Variants in XYLT1 observed in about 807,000 individuals in gnomAD.
XYLT1 encodes xylosyltransferase 1.
In XYLT1, 36 loss-of-function variants were observed where a neutral mutation model predicts 91.3. The ratio of observed to expected loss-of-function variants is 0.39; its 90% CI spans 0.30 to 0.52. The LOEUF (loss-of-function observed/expected upper bound fraction) is 0.52, where lower values mean the gene tolerates loss of function less well. XYLT1 is among the 20% of genes least tolerant of loss of function. The pLI is 0.68. For synonymous variants in XYLT1, 588 were observed against 532.0 expected, an observed-to-expected ratio of 1.11 and a Z score of -1.45; for missense variants, 1,242 against 1,284.5, an observed-to-expected ratio of 0.97 and a Z score of 0.51.
chr16:17,403,096 G>C (rs1326079525), intron 1 of XYLT1, among the ~76,000 whole-genome samples: 1 of 152,168 alleles, frequency 6.6e-6, no homozygotes, highest in African/African-American at 2.4e-5. Context: ...ACGATACACA[G>C]AGACAAACAA....
intron 11 of XYLT1, among the ~76,000 whole-genome samples, chr16:17,115,003 C>A (rs1273198087): frequency 2.0e-5 from 3 of 152,060 alleles, no homozygotes; most frequent in Non-Finnish European, 4.4e-5. Context: ...CACCACCATG[C>A]CCAGCTAATT....
intron 1 of XYLT1, among the ~76,000 whole-genome samples, chr16:17,370,649 C>G (rs1437602752): frequency 2.0e-5 from 3 of 152,168 alleles, no homozygotes; most frequent in Admixed American, 2.0e-4. Context: ...AGGTGGCCAA[C>G]AGAAACTGGA....
rs997047012 is a variant in XYLT1 at position 17,105,855 on chromosome 16, T to C, written c.*2840A>G. 8 of 152,108 alleles carry C rather than the reference T, an allele frequency of 5.3e-5. No homozygotes were observed. The highest frequency in any genetic ancestry group is 1.9e-4 in the African/African-American group (8 of 41,424). 9.4% of individuals were successfully genotyped at this position (152,108 alleles called of 1,614,324 possible). ...TCATTCTCAGGCAGGTTAAAAAAAT[T>C]ATTTTCCCTGGGAAAACATCCTCTT... On this transcript the variant is annotated 3_prime_UTR_variant, in exon 12 of 12. Transcript: ENST00000261381.
Position 17,108,535 on chromosome 16 carries a change from G to A in XYLT1, c.*160C>T. The A allele has an allele frequency of 2.7e-6, 2 of 731,956 alleles. No individual in the cohort carries two copies. 45.3% of individuals were successfully genotyped at this position (731,956 alleles called of 1,614,324 possible). On this transcript the variant is annotated 3_prime_UTR_variant, in exon 12 of 12. Transcript: ENST00000261381. ...CAAAGGCAGGTTGTTGGCTGATCCT[G>A]CTTTGACCTGCTGACCTTCCCTTTC...
chr16:17,167,536 G>A (rs1433159701), intron 5 of XYLT1, among the ~76,000 whole-genome samples: 9 of 147,114 alleles, frequency 6.1e-5, no homozygotes, highest in African/African-American at 2.3e-4. Context: ...CTTCCATCTC[G>A]TGAACGGATT....
At chr16:17,452,310 T>TC (rs2036676762) in intron 1 of XYLT1, among the ~76,000 whole-genome samples, 1 of 145,544 alleles carries the variant, frequency 6.9e-6, no homozygotes, top group Admixed American at 6.7e-5. Context: ...TTTTTCTTTT[T>TC]TTTTTTTTTT....
chr16:17,459,070 C>T (rs2036781556), intron 1 of XYLT1, among the ~76,000 whole-genome samples: 6 of 152,038 alleles, frequency 3.9e-5, no homozygotes, highest in Admixed American at 3.9e-4. Flanking sequence ...TAAAAGAACG[C>T]AGGCAATATT....
At chr16:17,438,404 G>A (rs937921092) in intron 1 of XYLT1, among the ~76,000 whole-genome samples, 2 of 152,106 alleles carry the variant, frequency 1.3e-5, no homozygotes, top group Non-Finnish European at 2.9e-5. Flanking sequence ...GGACACTGAT[G>A]TCCTCATTGG....
intron 1 of XYLT1, among the ~76,000 whole-genome samples, chr16:17,374,533 C>T (rs1019599266): frequency 6.6e-6 from 1 of 152,000 alleles, no homozygotes; most frequent in Non-Finnish European, 1.5e-5. Context: ...CAAATAATTC[C>T]TATTCCCCAT....
intron 1 of XYLT1, among the ~76,000 whole-genome samples, chr16:17,408,936 G>A (rs1281772570): frequency 1.3e-5 from 2 of 152,132 alleles, no homozygotes; most frequent in Non-Finnish European, 2.9e-5. Flanking sequence ...GACATTCCCA[G>A]GTCTGTTCTG....
At chr16:17,220,311 AT>A (rs1567328481) in intron 3 of XYLT1, among the ~76,000 whole-genome samples, 1 of 152,106 alleles carries the variant, frequency 6.6e-6, no homozygotes, top group Non-Finnish European at 1.5e-5. Flanking sequence ...TGAAACTGCC[AT>A]TTAAAAAAAA....
intron 3 of XYLT1, among the ~76,000 whole-genome samples, chr16:17,226,233 T>C (rs1264787504): frequency 6.6e-6 from 1 of 152,210 alleles, no homozygotes; most frequent in Non-Finnish European, 1.5e-5. Flanking sequence ...TTTGTGCAGC[T>C]TGTGACTCTG....
intron 3 of XYLT1, among the ~76,000 whole-genome samples, chr16:17,224,141 C>A (rs1280768378): frequency 2.0e-5 from 3 of 152,154 alleles, no homozygotes. Flanking sequence ...GGTAACCTGA[C>A]ATATTTTAAT....
At chr16:17,232,064 A>G (rs764605196) in intron 3 of XYLT1, among the ~76,000 whole-genome samples, 190 of 147,938 alleles carry the variant, frequency 1.3e-3, no homozygotes, top group Admixed American at 2.0e-3. Flanking sequence ...GTGGTCCCGT[A>G]AGATATTATA....
chr16:17,188,745 CCTCA>C (rs1374000834), intron 5 of XYLT1, among the ~76,000 whole-genome samples: 3 of 152,174 alleles, frequency 2.0e-5, no homozygotes, highest in Admixed American at 6.5e-5. Flanking sequence ...CATGGATAAC[CCTCA>C]CTGTGTGCTA....
At chr16:17,191,195 C>T (rs990170813) in intron 5 of XYLT1, among the ~76,000 whole-genome samples, 1 of 152,310 alleles carries the variant, frequency 6.6e-6, no homozygotes, top group East Asian at 1.9e-4. Flanking sequence ...CCTCAGACAT[C>T]CCTGAATTGT....
intron 1 of XYLT1, among the ~76,000 whole-genome samples, chr16:17,467,611 G>A (rs1396614722): frequency 6.6e-6 from 1 of 152,108 alleles, no homozygotes; most frequent in Non-Finnish European, 1.5e-5. Flanking sequence ...TGAGAAACGG[G>A]GTGTTTCCTC....
intron 2 of XYLT1, among the ~76,000 whole-genome samples, chr16:17,268,648 C>A (rs374776655): frequency 2.0e-5 from 3 of 150,536 alleles, no homozygotes; most frequent in East Asian, 1.9e-4. Flanking sequence ...AGATAGAAAT[C>A]GAAGTTGAGT....
intron 2 of XYLT1, among the ~76,000 whole-genome samples, chr16:17,295,402 C>T (rs2034294978): frequency 6.6e-6 from 1 of 152,054 alleles, no homozygotes; most frequent in Non-Finnish European, 1.5e-5. Flanking sequence ...GTCACACAGG[C>T]TGGAGTGCAG....
Sources: gnomAD v4.1 joint callset for allele counts (sites outside exome capture counted in the v4.1 genomes callset) on GRCh38, gnomAD v4.1.1 for gene constraint, MANE v1.5 for transcripts, NCBI Gene and HGNC (gene_info 2026-07-23, HGNC 2026-07-21) for gene names.